Variants in KIAA1217 observed in about 807,000 individuals in gnomAD.
KIAA1217 encodes the protein KIAA1217.
Under a neutral mutation model 163.9 loss-of-function variants are expected in KIAA1217, and 88 were observed. That is an observed-to-expected ratio of 0.54 (90% CI 0.45 to 0.64). The LOEUF (loss-of-function observed/expected upper bound fraction) is 0.64, where lower values mean the gene tolerates loss of function less well. Among genes scored for constraint, KIAA1217 ranks in the 30% least tolerant of loss-of-function variants. The pLI is 0.00. For missense variants in KIAA1217, 2,372 were observed against 2,475.0 expected (o/e 0.96, Z 0.88); for synonymous variants, 903 against 923.1 (o/e 0.98, Z 0.39).
intron 2 of KIAA1217, among the ~76,000 whole-genome samples, chr10:24,070,895 C>T (rs908854816): frequency 1.3e-5 from 2 of 152,188 alleles, no homozygotes; most frequent in Admixed American, 6.5e-5. Context: ...TCACTAAAAG[C>T]TTGTCTCTGT....
chr10:24,089,307 C>T, intron 2 of KIAA1217, among the ~76,000 whole-genome samples: 1 of 124,910 alleles, frequency 8.0e-6, no homozygotes, highest in Non-Finnish European at 2.0e-5. Flanking sequence ...TAATTAGATC[C>T]CATTTGTCAA....
At chr10:24,512,991 G>A (rs957423470) in intron 9 of KIAA1217, among the ~76,000 whole-genome samples, 2 of 152,196 alleles carry the variant, frequency 1.3e-5, no homozygotes, top group Non-Finnish European at 2.9e-5. Context: ...GAGAGTTTAC[G>A]CCTGTTGTCC....
At chr10:24,141,509 G>A (rs1391312477) in intron 2 of KIAA1217, among the ~76,000 whole-genome samples, 1 of 152,186 alleles carries the variant, frequency 6.6e-6, no homozygotes, top group African/African-American at 2.4e-5. Flanking sequence ...CAGAAAAGGA[G>A]GAGCTTAGGA....
intron 2 of KIAA1217, among the ~76,000 whole-genome samples, chr10:24,022,417 C>T (rs1321120337): frequency 6.6e-6 from 1 of 151,698 alleles, no homozygotes; most frequent in Non-Finnish European, 1.5e-5. Context: ...AATTACCCAC[C>T]TATTAGAATA....
intron 2 of KIAA1217, among the ~76,000 whole-genome samples, chr10:24,081,353 G>C (rs2061532111): frequency 6.6e-6 from 1 of 152,166 alleles, no homozygotes; most frequent in Non-Finnish European, 1.5e-5. Context: ...GAGCTGCATT[G>C]GGCTACCAAG....
chr10:24,536,847 T>G lies in KIAA1217; in HGVS notation c.3488T>G (p.Val1163Gly). The G allele has an allele frequency of 6.2e-7, 1 of 1,614,134 alleles. No individual in the cohort carries two copies. Among genetic ancestry groups the G allele is most frequent in the Non-Finnish European group, 8.5e-7 (1 of 1,180,006 alleles). The change falls in exon 17 of 21, where the codon GTT (valine) becomes GGT (glycine). Residue 1163 changes from valine to glycine, a missense_variant. Physicochemically the swap from Val to Gly is moderately radical, Grantham distance 109. Transcript: ENST00000376454. Reference sequence around the variant, plus strand: ...GAGCCATCCCGGGCTGACAGTCACGTTAAAGACACTAGGTCGGGCGCCACA... The same window carrying G: ...GAGCCATCCCGGGCTGACAGTCACGGTAAAGACACTAGGTCGGGCGCCACA... Reference protein sequence around the residue: ...HAEPSRADSHVKDTRSGATVP... With the variant: ...HAEPSRADSHGKDTRSGATVP...
intron 2 of KIAA1217, among the ~76,000 whole-genome samples, chr10:24,037,806 C>G (rs1275061967): frequency 2.0e-5 from 3 of 152,194 alleles, no homozygotes; most frequent in African/African-American, 7.2e-5. Flanking sequence ...TATTTTTGGA[C>G]TCAAACTAAT....
chr10:23,849,996 A>AT (rs922360008), intron 1 of KIAA1217, among the ~76,000 whole-genome samples: 3 of 152,104 alleles, frequency 2.0e-5, no homozygotes, highest in African/African-American at 4.8e-5. Flanking sequence ...ACTGCAATGG[A>AT]TTTTTTTATT....
chr10:24,437,541 C>G (rs544557214), intron 4 of KIAA1217, among the ~76,000 whole-genome samples: 3 of 152,200 alleles, frequency 2.0e-5, no homozygotes, highest in Non-Finnish European at 2.9e-5. Context: ...GAAGGGATCA[C>G]AGTGTAGACA....
chr10:24,059,490 T>C (rs1485928909), intron 2 of KIAA1217, among the ~76,000 whole-genome samples: 1 of 152,178 alleles, frequency 6.6e-6, no homozygotes, highest in Non-Finnish European at 1.5e-5. Context: ...AATTTACCAG[T>C]GAACCATCTG....
intron 2 of KIAA1217, among the ~76,000 whole-genome samples, chr10:24,342,652 ATTTTTT>A (rs11299912): frequency 4.3e-5 from 4 of 93,510 alleles, no homozygotes; most frequent in Non-Finnish European, 6.1e-5. Context: ...ATACAACTCA[ATTTTTT>A]TTTTTTTTTT....
At chr10:24,178,632 G>A (rs2066020584) in intron 2 of KIAA1217, among the ~76,000 whole-genome samples, 1 of 152,184 alleles carries the variant, frequency 6.6e-6, no homozygotes. Flanking sequence ...GTAAAGGGAG[G>A]AAAAGGGACT....
At chr10:23,826,076 C>T (rs1837881518) in intron 1 of KIAA1217, among the ~76,000 whole-genome samples, 2 of 152,110 alleles carry the variant, frequency 1.3e-5, no homozygotes, top group African/African-American at 4.8e-5. Flanking sequence ...CCAACTTTAA[C>T]CTGAACCCTA....
rs561128008 is a variant in KIAA1217 at position 23,722,216 on chromosome 10, G to T, written c.-321+26982G>T. On this transcript the variant is annotated intron_variant, in intron 1 of 18. Transcript: ENST00000376462. ...GAAATGTGGAGCTATTGTTTAATGAGATTAATGTGTATAATGAGTCTCAGT... is the reference window on the plus strand; with the variant it reads ...GAAATGTGGAGCTATTGTTTAATGATATTAATGTGTATAATGAGTCTCAGT... Among the ~76,000 whole-genome samples, 11 of 152,258 alleles carry T rather than the reference G, an allele frequency of 7.2e-5. No individual in the cohort carries two copies. In the South Asian group the frequency reaches 1.4e-3, roughly 20 times the overall value.
At chr10:23,771,682 A>T (rs143790381) in intron 1 of KIAA1217, among the ~76,000 whole-genome samples, 1 of 152,312 alleles carries the variant, frequency 6.6e-6, no homozygotes, top group East Asian at 1.9e-4. Flanking sequence ...TTTTGATACA[A>T]CACTTCCACC....
chr10:24,239,010 A>G (rs1388208373), intron 2 of KIAA1217: 2 of 220,286 alleles, frequency 9.1e-6, no homozygotes, highest in Non-Finnish European at 1.5e-5. Context: ...CGATTGTTTA[A>G]GTCTTCGCCT....
At chr10:24,296,170 C>G (rs1301236163) in intron 2 of KIAA1217, among the ~76,000 whole-genome samples, 1 of 152,126 alleles carries the variant, frequency 6.6e-6, no homozygotes, top group Admixed American at 6.5e-5. Flanking sequence ...GTGGCACAAT[C>G]ATTGCTCACT....
At chr10:23,890,913 G>T (rs1841390748) in intron 1 of KIAA1217, among the ~76,000 whole-genome samples, 1 of 151,858 alleles carries the variant, frequency 6.6e-6, no homozygotes, top group Non-Finnish European at 1.5e-5. Flanking sequence ...AAATTTTGGA[G>T]TTTTGTTATT....
In KIAA1217 at chr10:23,834,191, C is replaced by T. The variant is rs183416575; in HGVS notation, c.-321+138957C>T. On this transcript the variant is annotated intron_variant, in intron 1 of 18. Transcript: ENST00000376462. ...TTTTGTTTTATCTTTTCTATCTGCT[C>T]ACCCCTGGGCTCCTAGTTCAGAACC... Among the ~76,000 whole-genome samples the T allele has an allele frequency of 2.4e-3, 369 of 152,242 alleles. 2 individuals carry two copies. The highest frequency in any genetic ancestry group is 9.6e-4 in the East Asian group (5 of 5,192).
Sources: gnomAD v4.1 joint callset for allele counts (sites outside exome capture counted in the v4.1 genomes callset) on GRCh38, gnomAD v4.1.1 for gene constraint, MANE v1.5 for transcripts, NCBI Gene and HGNC (gene_info 2026-07-23, HGNC 2026-07-21) for gene names.